THSD7A: variants seen among roughly 807,000 people sequenced by gnomAD.
The protein encoded by THSD7A is thrombospondin type 1 domain containing 7A.
Under a neutral mutation model 231.3 loss-of-function variants are expected in THSD7A, and 96 were observed. The ratio of observed to expected loss-of-function variants is 0.41; its 90% CI spans 0.35 to 0.49. THSD7A has a LOEUF of 0.49. Among genes scored for constraint, THSD7A ranks in the 20% least tolerant of loss-of-function variants. THSD7A has a pLI of 0.05. For synonymous variants in THSD7A, 940 were observed against 743.3 expected, an observed-to-expected ratio of 1.26 and a Z score of -4.30; for missense variants, 2,290 against 2,070.2, an observed-to-expected ratio of 1.11 and a Z score of -2.06.
chr7:11,574,448 T>TTC (rs1790791821), intron 4 of THSD7A, among the ~76,000 whole-genome samples: 1 of 151,666 alleles, frequency 6.6e-6, no homozygotes, highest in African/African-American at 2.4e-5. Context: ...TTTTTTTTTT[T>TTC]TTTTGAGACA....
At chr7:11,631,358 A>C (rs1781648600) in intron 2 of THSD7A, among the ~76,000 whole-genome samples, 1 of 152,140 alleles carries the variant, frequency 6.6e-6, no homozygotes, top group South Asian at 2.1e-4. Context: ...AGGGGAGTGG[A>C]GTAAAATTGC....
intron 4 of THSD7A, among the ~76,000 whole-genome samples, chr7:11,577,004 T>C (rs1240786869): frequency 6.6e-6 from 1 of 152,210 alleles, no homozygotes; most frequent in Non-Finnish European, 1.5e-5. Context: ...AAACAAGGCA[T>C]TGAGTCCATG....
rs1248609784 is a variant in THSD7A, at chr7:11,831,730, G to A, written c.190+27C>T. On this transcript the variant is annotated intron_variant, in intron 1 of 27. Transcript: ENST00000423059. This position sits in a 1 kb window ranked among gnomAD's most constrained non-coding sequence, Gnocchi z 5.0. ...TAATGTGGCCCCAGATGTGAAGATG[G>A]GGAAAGGGTAACTCCGTCCCACTTA... 4.3e-6 allele frequency: 6 copies of A among 1,382,148 alleles called. No individual in the cohort carries two copies. In the South Asian group the frequency reaches 9.7e-5, roughly 22 times the overall value. The allele number at this position is 1,382,148 out of a possible 1,614,324, so 85.6% of individuals were successfully genotyped here.
intron 25 of THSD7A, 113 bp from the exon 26 acceptor site, chr7:11,379,393 A>ATAAT (rs1782418059): frequency 9.8e-7 from 1 of 1,020,966 alleles, no homozygotes; most frequent in African/African-American, 1.6e-5. Context: ...ATTACTATAC[A>ATAAT]TAATTCCTCT....
At chr7:11,689,159 C>G (rs149681075) in intron 1 of THSD7A, among the ~76,000 whole-genome samples, 32 of 151,926 alleles carry the variant, frequency 2.1e-4, no homozygotes, top group African/African-American at 7.2e-4. Flanking sequence ...GTCTTAGAGT[C>G]TGAGCCACGG....
At chr7:11,512,957 A>ATATATATATATATATATG (rs962525158) in intron 6 of THSD7A, among the ~76,000 whole-genome samples, 4 of 144,546 alleles carry the variant, frequency 2.8e-5, no homozygotes, top group African/African-American at 1.1e-4. Flanking sequence ...ATATATATAT[A>ATATATATATATATATATG]TATGTAAAAT....
chr7:11,732,539 T>G (rs9692141), intron 1 of THSD7A, among the ~76,000 whole-genome samples: 10 of 151,798 alleles, frequency 6.6e-5, no homozygotes, highest in African/African-American at 2.2e-4. Context: ...TGAATTGTAT[T>G]TTACACTGTG....
intron 9 of THSD7A, among the ~76,000 whole-genome samples, chr7:11,467,136 T>C (rs945282343): frequency 1.3e-5 from 2 of 152,116 alleles, no homozygotes; most frequent in African/African-American, 4.8e-5. Flanking sequence ...GGGCTGGTCG[T>C]TCCAAAATCA....
intron 22 of THSD7A, among the ~76,000 whole-genome samples, chr7:11,404,864 C>G (rs1485551885): frequency 6.6e-6 from 1 of 152,112 alleles, no homozygotes; most frequent in Non-Finnish European, 1.5e-5. Context: ...ACTACAGGCA[C>G]TATGTCTTAG....
chr7:11,750,576 C>A (rs1481113273), intron 1 of THSD7A, among the ~76,000 whole-genome samples: 3 of 152,044 alleles, frequency 2.0e-5, no homozygotes, highest in African/African-American at 7.2e-5. Flanking sequence ...CACGAGATTA[C>A]CATGGGGACC....
chr7:11,821,296 T>C (rs924654664), intron 1 of THSD7A: 1 of 887,042 alleles, frequency 1.1e-6, no homozygotes, highest in Non-Finnish European at 1.9e-6. Context: ...ACGAAACTCC[T>C]ATTGGAAACC....
chr7:11,417,568 T>A lies in THSD7A; in HGVS notation c.3419A>T (p.His1140Leu), dbSNP rs1319635356. 1 of 1,612,934 alleles carries A rather than the reference T, an allele frequency of 6.2e-7. No homozygotes were observed. ...TGGGTCACAGAGGTAATCCTCTACA[T>A]GTTCAGAAGGGCCATCTGCTGTATT... ...MQNTADGPSE[H>L]VEDYLCDPEE... is the part of the protein sequence containing the mutation. Residue 1140 changes from histidine (H) to leucine (L), a missense_variant, in exon 17 of 28, where the codon CAT becomes CTT. By Grantham distance (99) the His-to-Leu change is moderately conservative (BLOSUM62 -3). Transcript: ENST00000423059.
At position 11,632,735 on chromosome 7, in the gene THSD7A, TA is replaced by T. The variant is rs1463792249; in HGVS notation, c.1022+3394del. On this transcript the variant is annotated intron_variant, in intron 2 of 27. Coordinates refer to ENST00000423059, the MANE Select transcript of THSD7A (RefSeq NM_015204.3). This position sits in a 1 kb window ranked among gnomAD's most constrained non-coding sequence, Gnocchi z 4.1. ...ATGTCTCTTCACCTATCTCTCTCCA[TA>T]AAAGTTGATCTATATTAGTTCTCCC... Among the ~76,000 whole-genome samples the T allele has an allele frequency of 1.3e-5, 2 of 152,204 alleles. No individual in the cohort carries two copies. Among genetic ancestry groups the T allele is most frequent in the African/African-American group, 4.8e-5 (2 of 41,456 alleles).
rs568921434 is a variant in THSD7A at position 11,798,059 on chromosome 7, A to C, written c.190+33698T>G. ...AAGTCAAGGCAGGGCAAAGGCACTG[A>C]TCAGAATTAATGCACAGTAGGATTG... is the stretch of plus-strand genomic sequence containing the variant. On this transcript the variant is annotated intron_variant, in intron 1 of 27. Coordinates refer to ENST00000423059, the MANE Select transcript of THSD7A (RefSeq NM_015204.3). Among the ~76,000 whole-genome samples the C allele has an allele frequency of 5.9e-5, 9 of 152,308 alleles. No homozygotes were observed. In the East Asian group the frequency reaches 1.7e-3, roughly 29 times the overall value.
At chr7:11,510,561 A>G (rs1229242298) in intron 6 of THSD7A, among the ~76,000 whole-genome samples, 4 of 152,182 alleles carry the variant, frequency 2.6e-5, no homozygotes, top group Non-Finnish European at 5.9e-5. Flanking sequence ...CAGCACATCA[A>G]AAAGCTTATC....
intron 2 of THSD7A, among the ~76,000 whole-genome samples, chr7:11,594,739 A>G (rs1780297712): frequency 6.6e-6 from 1 of 152,198 alleles, no homozygotes; most frequent in African/African-American, 2.4e-5. Context: ...AATCTGCTAG[A>G]TAAATTGTCC....
rs75440561 is a variant in THSD7A, at chr7:11,617,948, G to A, written c.1022+18182C>T. Among the ~76,000 whole-genome samples, 709 of 152,156 alleles carry A rather than the reference G, an allele frequency of 4.7e-3. 40 individuals carry two copies. In the East Asian group the frequency reaches 0.12, roughly 27 times the overall value. On this transcript the variant is annotated intron_variant, in intron 2 of 27. Transcript: ENST00000423059. ...ACATGTATACATATGTAACAAACCT[G>A]CACGTTTTGCACATGTACCCTAGAA...
intron 1 of THSD7A, among the ~76,000 whole-genome samples, chr7:11,753,966 T>C (rs1296185610): frequency 6.6e-6 from 1 of 151,770 alleles, no homozygotes; most frequent in African/African-American, 2.4e-5. Context: ...ACAGACACAC[T>C]ATGGAAAGGA....
At position 11,593,336 on chromosome 7, in the gene THSD7A, T is replaced by C. The variant is rs376516862; in HGVS notation, c.1189A>G (p.Ile397Val). ...VRTRTIRQFPIGSEKECPEFE... is the reference protein window; with the variant it reads ...VRTRTIRQFPVGSEKECPEFE... The stretch of plus-strand genomic sequence containing the variant: ...TCTGGACACTCCTTTTCACTGCCAA[T>C]GGGAAACTGCCTGATGGTTCGTGTC... Residue 397 changes from isoleucine (I) to valine (V), a missense_variant, in exon 3 of 28, where the codon ATT (isoleucine) becomes GTT (valine). Coordinates refer to ENST00000423059, the MANE Select transcript of THSD7A (RefSeq NM_015204.3). 3.1e-6 allele frequency: 5 copies of C among 1,613,886 alleles called. No individual in the cohort carries two copies. The East Asian group carries it at 8.9e-5, about 29-fold the overall frequency.
Sources: allele counts gnomAD v4.1 joint callset (sites outside exome capture counted in the v4.1 genomes callset), GRCh38; gene constraint gnomAD v4.1.1; non-coding constraint Gnocchi (gnomAD v3.1); transcripts MANE v1.5; gene names NCBI Gene and HGNC (gene_info 2026-07-23, HGNC 2026-07-21).